SLC9A8: variants seen among roughly 807,000 people sequenced by gnomAD.
SLC9A8 encodes sodium/hydrogen exchanger 8.
In SLC9A8, 48 loss-of-function variants were observed where a neutral mutation model predicts 66.6. The ratio of observed to expected loss-of-function variants is 0.72; its 90% CI spans 0.57 to 0.92. SLC9A8 has a LOEUF of 0.92. Among genes scored for constraint, SLC9A8 ranks in the 40% least tolerant of loss-of-function variants. SLC9A8 has a pLI of 0.00. For synonymous variants in SLC9A8, 274 were observed against 282.6 expected (o/e 0.97, Z 0.31); for missense variants, 599 against 747.3 (o/e 0.80, Z 2.31).
At chr20:49,848,255 C>A (rs866224647) in intron 5 of SLC9A8, among the ~76,000 whole-genome samples, 2 of 151,988 alleles carry the variant, frequency 1.3e-5, no homozygotes, top group African/African-American at 4.8e-5. Flanking sequence ...AAGAAAACAG[C>A]GATTTGCAAA....
chr20:49,864,837 A>T lies in SLC9A8; in HGVS notation c.951A>T (p.Ser317=). Residue 317 remains serine (S), a synonymous_variant, in exon 10 of 16, where the codon TCA becomes TCT. Coordinates refer to ENST00000361573, the MANE Select transcript of SLC9A8 (RefSeq NM_015266.3). ...CTTATGGGCTTGCAGAAGGAATCTC[A>T]CTCTCAGGTAAGTGACAGAGAGCCT... The part of the protein sequence containing the change: ...YLPYGLAEGI[S]LSGIMAILFS... 1.9e-6 allele frequency: 3 copies of T among 1,601,904 alleles called. No homozygotes were observed. Among genetic ancestry groups the T allele is most frequent in the Non-Finnish European group, 2.6e-6 (3 of 1,168,828 alleles).
chr20:49,834,284 A>G lies in SLC9A8; in HGVS notation c.290-5257A>G, dbSNP rs549984868. Among the ~76,000 whole-genome samples the G allele has an allele frequency of 2.8e-3, 393 of 141,990 alleles. 4 individuals carry two copies. The highest frequency in any genetic ancestry group is 9.6e-3 in the African/African-American group (376 of 38,982). The allele number at this position is 141,990 out of a possible 152,430, so 93.2% of individuals were successfully genotyped here. ...TATGCACTATATATACACACAGTAT[A>G]TGTATATACACACACTATATATACA... On this transcript the variant is annotated intron_variant, in intron 3 of 15. Transcript: ENST00000361573.
intron 14 of SLC9A8, 30 bp downstream of exon 14, chr20:49,884,096 C>A (rs1331301213): frequency 6.3e-7 from 1 of 1,595,740 alleles, no homozygotes; most frequent in East Asian, 2.2e-5. Flanking sequence ...GGGGGTGGGG[C>A]AGGGGGCTGG....
At chr20:49,816,762 T>C (rs2086563716) in intron 2 of SLC9A8, among the ~76,000 whole-genome samples, 1 of 151,978 alleles carries the variant, frequency 6.6e-6, no homozygotes, top group Non-Finnish European at 1.5e-5. Flanking sequence ...GGAGTCTTGC[T>C]CTGTCGCCCA....
Position 49,881,007 on chromosome 20 carries a change from G to A in SLC9A8, c.1242G>A (p.Pro414=), listed in dbSNP as rs1320989042. 26 of 1,613,200 alleles carry A rather than the reference G, an allele frequency of 1.6e-5. No individual in the cohort carries two copies. The highest frequency in any genetic ancestry group is 1.6e-4 in the Middle Eastern group (1 of 6,062). Reference sequence around the variant, plus strand: ...TCTTCCGGGATCATAAAATCACACCGAAGATGATGTTCATCATGTGGTTTA... The same window carrying A: ...TCTTCCGGGATCATAAAATCACACCAAAGATGATGTTCATCATGTGGTTTA... The part of the protein sequence containing the change: ...LNFFRDHKIT[P]KMMFIMWFSG... The change falls in exon 13 of 16, where the codon CCG becomes CCA. Residue 414 remains proline (P), a synonymous_variant. Coordinates refer to ENST00000361573, the MANE Select transcript of SLC9A8 (RefSeq NM_015266.3).
chr20:49,834,139 GTCTCTC>G (rs71335517), intron 3 of SLC9A8, among the ~76,000 whole-genome samples: 1,693 of 65,050 alleles, frequency 0.026, 40 homozygotes, highest in African/African-American at 0.047. Context: ...ATATTAGCTT[GTCTCTC>G]TCTCTCTCTC....
At chr20:49,824,039 C>G (rs1231777799) in intron 3 of SLC9A8, among the ~76,000 whole-genome samples, 3 of 152,114 alleles carry the variant, frequency 2.0e-5, no homozygotes, top group African/African-American at 7.2e-5. Flanking sequence ...TGTTCACTAG[C>G]CTCCCCCTCC....
Position 49,830,200 on chromosome 20 carries a change from C to T in SLC9A8, c.289+7059C>T, listed in dbSNP as rs115149627. ...ACCTCCATCCGGGCAGCTGACAGCA[C>T]GGCCGTGAATGGCAGCATCACAGAC... is the stretch of plus-strand genomic sequence containing the variant. On this transcript the variant is annotated intron_variant, in intron 3 of 15. Transcript: ENST00000361573. 4.0e-4 allele frequency: 319 copies of T among 802,818 alleles called. 1 individual carries two copies. The highest frequency in any genetic ancestry group is 3.8e-3 in the African/African-American group (224 of 59,474). 49.7% of individuals were successfully genotyped at this position (802,818 alleles called of 1,614,324 possible).
At chr20:49,854,232 A>G (rs866678890) in intron 7 of SLC9A8, among the ~76,000 whole-genome samples, 2 of 152,284 alleles carry the variant, frequency 1.3e-5, no homozygotes, top group South Asian at 4.1e-4. Context: ...TGAATTGTCC[A>G]GGCTCATGTG....
chr20:49,860,866 C>T (rs1348051380), intron 8 of SLC9A8, among the ~76,000 whole-genome samples: 1 of 152,140 alleles, frequency 6.6e-6, no homozygotes. Context: ...CTGCTTTAAG[C>T]CCCGGACATA....
rs191040940 is a variant in SLC9A8 at position 49,836,648 on chromosome 20, T to C, written c.290-2893T>C. Among the ~76,000 whole-genome samples the C allele has an allele frequency of 9.2e-5, 14 of 152,310 alleles. No individual in the cohort carries two copies. The East Asian group carries it at 2.7e-3, about 29-fold the overall frequency. On this transcript the variant is annotated intron_variant, in intron 3 of 15. Coordinates refer to ENST00000361573, the MANE Select transcript of SLC9A8 (RefSeq NM_015266.3). Reference sequence around the variant, plus strand: ...GGCCTCTTTCCACCCTGTGACTGTTTGAAATACTGCTGTTAGGAATATCTG... The same window carrying C: ...GGCCTCTTTCCACCCTGTGACTGTTCGAAATACTGCTGTTAGGAATATCTG...
chr20:49,878,076 C>CTT lies in SLC9A8; in HGVS notation c.1158+23_1158+24dup. 98 of 1,193,354 alleles carry CTT rather than the reference C, an allele frequency of 8.2e-5. No individual in the cohort carries two copies. Among genetic ancestry groups the CTT allele is most frequent in the South Asian group, 1.1e-4 (7 of 62,488 alleles). The allele number at this position is 1,193,354 out of a possible 1,614,324, so 73.9% of individuals were successfully genotyped here. A position where few individuals can be genotyped will look rare whatever the true frequency, so the allele number is the denominator to read the frequency against. On this transcript the variant is annotated intron_variant, in intron 12 of 15. Coordinates refer to ENST00000361573, the MANE Select transcript of SLC9A8 (RefSeq NM_015266.3). ...CATCTGGTGCATAGTAAGTATTTTC[C>CTT]TTTTTTTTTTTAAATTTAATTACTT... is the stretch of plus-strand genomic sequence containing the variant.
At chr20:49,817,702 T>C (rs1430553152) in intron 2 of SLC9A8, among the ~76,000 whole-genome samples, 4 of 152,160 alleles carry the variant, frequency 2.6e-5, no homozygotes, top group Non-Finnish European at 4.4e-5. Context: ...TGTCATAGTT[T>C]TAGAAACTTA....
At chr20:49,841,858 G>T (rs1458914234) in intron 4 of SLC9A8, among the ~76,000 whole-genome samples, 5 of 151,916 alleles carry the variant, frequency 3.3e-5, no homozygotes, top group African/African-American at 1.2e-4. Context: ...TCCTCCCAAA[G>T]TGCTGGGAGT....
chr20:49,816,110 G>A (rs2086539135), intron 2 of SLC9A8, among the ~76,000 whole-genome samples: 1 of 152,070 alleles, frequency 6.6e-6, no homozygotes, highest in Admixed American at 6.6e-5. Flanking sequence ...TTGATTAAAT[G>A]CATTCACTCT....
intron 10 of SLC9A8, among the ~76,000 whole-genome samples, chr20:49,871,508 C>T (rs1482642180): frequency 1.3e-5 from 2 of 152,182 alleles, no homozygotes; most frequent in Non-Finnish European, 2.9e-5. Context: ...TGCCTTTTAC[C>T]TCACTTAAAA....
Position 49,892,061 on chromosome 20 carries a change from C to G in SLC9A8, c.*4125C>G, listed in dbSNP as rs2090056960. ...CTGTTTCCTGAGCAGTGATGTGCTG[C>G]TCTTCTTGGTGGGGCTTTGGGCTGG... On this transcript the variant is annotated 3_prime_UTR_variant, in exon 16 of 16. Transcript: ENST00000361573. 1 of 152,120 alleles carries G rather than the reference C, an allele frequency of 6.6e-6. No individual in the cohort carries two copies. Among genetic ancestry groups the G allele is most frequent in the South Asian group, 2.1e-4 (1 of 4,832 alleles). 9.4% of individuals were successfully genotyped at this position (152,120 alleles called of 1,614,324 possible). A position where few individuals can be genotyped will look rare whatever the true frequency, so the allele number is the denominator to read the frequency against.
intron 10 of SLC9A8, among the ~76,000 whole-genome samples, chr20:49,865,908 G>C (rs530430745): frequency 5.3e-4 from 81 of 152,210 alleles, no homozygotes; most frequent in Non-Finnish European, 1.0e-3. Flanking sequence ...CACTATTGCA[G>C]GGATGTTTTG....
intron 6 of SLC9A8, 42 bp from the exon 7 acceptor site, chr20:49,850,768 T>C (rs2088211935): frequency 6.2e-7 from 1 of 1,602,730 alleles, no homozygotes; most frequent in South Asian, 1.1e-5. Flanking sequence ...CCAGGGTTTT[T>C]TTTTTGTGTG....
Sources: gnomAD v4.1 joint callset for allele counts (sites outside exome capture counted in the v4.1 genomes callset) on GRCh38, gnomAD v4.1.1 for gene constraint, MANE v1.5 for transcripts, NCBI Gene and HGNC (gene_info 2026-07-23, HGNC 2026-07-21) for gene names.